PDCD1LG2: variants seen among roughly 807,000 people sequenced by gnomAD.
The protein encoded by PDCD1LG2 is programmed cell death 1 ligand 2.
In PDCD1LG2, 32 loss-of-function variants were observed where a neutral mutation model predicts 28.2. That is an observed-to-expected ratio of 1.13 (90% CI 0.86 to 1.52). The LOEUF (loss-of-function observed/expected upper bound fraction) is 1.52. PDCD1LG2 is among the 40% of genes most tolerant of loss of function. The probability of loss-of-function intolerance (pLI) is 0.00; values close to 1 mark genes in which losing one functional copy is unlikely to be tolerated. For synonymous variants in PDCD1LG2, 116 were observed against 120.2 expected (o/e 0.97, Z 0.23); for missense variants, 385 against 323.8 (o/e 1.19, Z -1.45).
At chr9:5,549,720 C>A (rs1816289133) in intron 4 of PDCD1LG2, 116 bp downstream of exon 4, 1 of 1,288,462 alleles carries the variant, frequency 7.8e-7, no homozygotes, top group Non-Finnish European at 1.1e-6. Flanking sequence ...AAGGTGTGAT[C>A]ACCATTTGGA....
chr9:5,543,858 TGAATTTCAATGGG>T (rs1470666383), intron 3 of PDCD1LG2, among the ~76,000 whole-genome samples: 2 of 110,146 alleles, frequency 1.8e-5, no homozygotes, highest in Non-Finnish European at 3.6e-5. Context: ...AACAATGTCC[TGAATTTCAATGGG>T]GTGGGGGGGA....
intron 2 of PDCD1LG2, among the ~76,000 whole-genome samples, chr9:5,532,341 C>T (rs376302964): frequency 2.4e-4 from 36 of 152,106 alleles, no homozygotes; most frequent in African/African-American, 8.5e-4. Context: ...CCAAAAATGT[C>T]GGTCATTTGA....
chr9:5,544,502 C>T (rs533131824), intron 3 of PDCD1LG2, among the ~76,000 whole-genome samples: 4 of 152,296 alleles, frequency 2.6e-5, no homozygotes, highest in African/African-American at 9.6e-5. Flanking sequence ...TGTCTTGCTT[C>T]CTATTGGCTG....
intron 3 of PDCD1LG2, among the ~76,000 whole-genome samples, chr9:5,537,496 T>C (rs1180624283): frequency 1.3e-5 from 2 of 152,302 alleles, no homozygotes; most frequent in Admixed American, 6.5e-5. Context: ...CCAACAACGA[T>C]AGACTGGATT....
At chr9:5,523,934 T>A (rs777824309) in intron 2 of PDCD1LG2, among the ~76,000 whole-genome samples, 3 of 152,198 alleles carry the variant, frequency 2.0e-5, no homozygotes, top group Non-Finnish European at 2.9e-5. Context: ...GGCAACATTT[T>A]TTATCCCTCA....
intron 3 of PDCD1LG2, among the ~76,000 whole-genome samples, chr9:5,545,850 C>T (rs112252039): frequency 4.6e-5 from 7 of 152,166 alleles, no homozygotes; most frequent in Admixed American, 3.3e-4. Context: ...GAACAATCAT[C>T]AAAGCAATTA....
At chr9:5,538,339 T>C (rs1325939824) in intron 3 of PDCD1LG2, among the ~76,000 whole-genome samples, 1 of 152,130 alleles carries the variant, frequency 6.6e-6, no homozygotes, top group Non-Finnish European at 1.5e-5. Flanking sequence ...TTTAGATGCA[T>C]ATATTTTTTT....
intron 2 of PDCD1LG2, among the ~76,000 whole-genome samples, chr9:5,527,704 T>C (rs370495172): frequency 2.0e-5 from 3 of 152,212 alleles, no homozygotes; most frequent in African/African-American, 7.2e-5. Flanking sequence ...ACATGGTAAG[T>C]GTATGGTTTA....
At chr9:5,513,952 G>A (rs1237699127) in intron 1 of PDCD1LG2, among the ~76,000 whole-genome samples, 2 of 152,186 alleles carry the variant, frequency 1.3e-5, no homozygotes, top group Admixed American at 1.3e-4. Context: ...TCAAAACAGT[G>A]GTTAGTTCAG....
intron 3 of PDCD1LG2, among the ~76,000 whole-genome samples, chr9:5,537,818 A>C (rs1408206878): frequency 1.3e-5 from 2 of 152,224 alleles, no homozygotes; most frequent in Non-Finnish European, 2.9e-5. Context: ...AATATGGCAC[A>C]TGTATACATA....
Position 5,570,570 on chromosome 9 carries a change from A to C in PDCD1LG2, c.*611A>C. On this transcript the variant is annotated 3_prime_UTR_variant, in exon 7 of 7. Coordinates refer to ENST00000397747, the MANE Select transcript of PDCD1LG2 (RefSeq NM_025239.4). ...AGTGCACAAATTGTGGAGTAAAGTC[A>C]TCAAGCTCTGTTTTTGAGGTCTAAG... 1 of 232,944 alleles carries C rather than the reference A, an allele frequency of 4.3e-6. No homozygotes were observed. Among genetic ancestry groups the C allele is most frequent in the South Asian group, 1.8e-4 (1 of 5,524 alleles). 14.4% of individuals were successfully genotyped at this position (232,944 alleles called of 1,614,324 possible). A position where few individuals can be genotyped will look rare whatever the true frequency, so the allele number is the denominator to read the frequency against.
At chr9:5,534,239 A>T (rs1201149067) in intron 2 of PDCD1LG2, among the ~76,000 whole-genome samples, 1 of 152,198 alleles carries the variant, frequency 6.6e-6, no homozygotes, top group African/African-American at 2.4e-5. Flanking sequence ...AGAGGAAGTG[A>T]TACCTGGCAC....
intron 2 of PDCD1LG2, among the ~76,000 whole-genome samples, chr9:5,529,476 A>G (rs1429075873): frequency 6.6e-6 from 1 of 152,138 alleles, no homozygotes; most frequent in Non-Finnish European, 1.5e-5. Context: ...ATGTGGGTCT[A>G]TTTCTGGACT....
chr9:5,539,794 A>G (rs1820653911), intron 3 of PDCD1LG2, among the ~76,000 whole-genome samples: 1 of 152,226 alleles, frequency 6.6e-6, no homozygotes, highest in Non-Finnish European at 1.5e-5. Context: ...TGGGCAGGGC[A>G]GGGGGATGGG....
At chr9:5,548,432 G>A (rs929761669) in intron 3 of PDCD1LG2, among the ~76,000 whole-genome samples, 1 of 152,080 alleles carries the variant, frequency 6.6e-6, no homozygotes, top group African/African-American at 2.4e-5. Context: ...CCACATCTTG[G>A]TTATTGTGAA....
rs374102761 is a variant in PDCD1LG2, at chr9:5,557,677, A to G, written c.691A>G (p.Ile231Val). The G allele has an allele frequency of 6.2e-7, 1 of 1,613,596 alleles. No homozygotes were observed. The highest frequency in any genetic ancestry group is 1.3e-5 in the African/African-American group (1 of 74,904). ...WLLHIFIPFC[I>V]IAFIFIATVI... ...GCTTCACATTTTCATCCCCTTCTGCATCATTGCTTTCATTTTCATAGCCAC... is the reference window on the plus strand; with the variant it reads ...GCTTCACATTTTCATCCCCTTCTGCGTCATTGCTTTCATTTTCATAGCCAC... Residue 231 changes from isoleucine to valine, a missense_variant, in exon 5 of 7, where the codon ATC (isoleucine) becomes GTC (valine). Ile to Val is a conservative substitution (Grantham distance 29). Coordinates refer to ENST00000397747, the MANE Select transcript of PDCD1LG2 (RefSeq NM_025239.4).
intron 5 of PDCD1LG2, among the ~76,000 whole-genome samples, chr9:5,562,198 T>G (rs1293487466): frequency 6.6e-6 from 1 of 152,026 alleles, no homozygotes. Flanking sequence ...AAGAAAAAAG[T>G]GAAAACCTAT....
At chr9:5,537,809 A>G (rs536640783) in intron 3 of PDCD1LG2, among the ~76,000 whole-genome samples, 15 of 152,176 alleles carry the variant, frequency 9.9e-5, no homozygotes, top group Admixed American at 8.5e-4. Flanking sequence ...CAGCACACCA[A>G]TATGGCACAT....
rs544152379 is a variant in PDCD1LG2 at position 5,549,514 on chromosome 9, C to T, written c.541C>T (p.Arg181Cys). The T allele has an allele frequency of 1.1e-4, 177 of 1,614,178 alleles. No individual in the cohort carries two copies. In the South Asian group the frequency reaches 1.4e-3, roughly 13 times the overall value. The change falls in exon 4 of 7, where the codon CGC becomes TGC. Residue 181 changes from arginine to cysteine, a missense_variant. Arg to Cys is a radical substitution (Grantham distance 180). Coordinates refer to ENST00000397747, the MANE Select transcript of PDCD1LG2 (RefSeq NM_025239.4). ...EGLYQVTSVLRLKPPPGRNFS... is the reference protein window; with the variant it reads ...EGLYQVTSVLCLKPPPGRNFS... ...CCTCTACCAGGTCACCAGTGTTCTGCGCCTAAAGCCACCCCCTGGCAGAAA... is the reference window on the plus strand; with the variant it reads ...CCTCTACCAGGTCACCAGTGTTCTGTGCCTAAAGCCACCCCCTGGCAGAAA...
Sources: allele counts gnomAD v4.1 joint callset (sites outside exome capture counted in the v4.1 genomes callset), GRCh38; gene constraint gnomAD v4.1.1; transcripts MANE v1.5; gene names NCBI Gene and HGNC (gene_info 2026-07-23, HGNC 2026-07-21).